Variants in RHOT1 observed in about 807,000 individuals in gnomAD.
The protein encoded by RHOT1 is ras homolog family member T1.
A neutral mutation model predicts 95.3 loss-of-function variants in RHOT1; 27 were observed. The observed-to-expected ratio is 0.28, with a 90% CI of 0.21 to 0.39. RHOT1 has a LOEUF of 0.39. Ranked by LOEUF, RHOT1 falls within the 10% of genes least tolerant of loss-of-function variation. RHOT1 has a pLI of 1.00. For missense variants in RHOT1, 578 were observed against 786.7 expected (o/e 0.73, Z 3.17); for synonymous variants, 227 against 263.5 (o/e 0.86, Z 1.34).
intron 8 of RHOT1, among the ~76,000 whole-genome samples, chr17:32,187,445 C>T (rs61224869): frequency 2.6e-5 from 4 of 151,896 alleles, no homozygotes; most frequent in South Asian, 4.2e-4. Context: ...TTCTGTTTGT[C>T]GGGAGAGGTA....
At chr17:32,203,845 A>G in intron 15 of RHOT1, 45 bp from the exon 16 acceptor site, 2 of 1,391,264 alleles carry the variant, frequency 1.4e-6, no homozygotes, top group Non-Finnish European at 2.0e-6. Flanking sequence ...TATATTGTTG[A>G]AAACTAGTTA....
chr17:32,201,955 A>T (rs1051468284), intron 14 of RHOT1, among the ~76,000 whole-genome samples: 5 of 152,070 alleles, frequency 3.3e-5, no homozygotes, highest in African/African-American at 1.2e-4. Flanking sequence ...CTCTATCACC[A>T]GGCTGGAGTG....
chr17:32,193,014 G>A (rs1476894024), intron 9 of RHOT1, 122 bp from the exon 10 acceptor site: 13 of 638,242 alleles, frequency 2.0e-5, no homozygotes, highest in Non-Finnish European at 3.5e-5. Context: ...TATTCCTAAT[G>A]TAGAATATGT....
At chr17:32,186,743 C>G (rs1342219982) in intron 8 of RHOT1, among the ~76,000 whole-genome samples, 1 of 152,120 alleles carries the variant, frequency 6.6e-6, no homozygotes, top group African/African-American at 2.4e-5. Flanking sequence ...CTCACTGCAG[C>G]CTTAACCTCC....
chr17:32,145,952 G>C (rs1202555874), intron 1 of RHOT1, among the ~76,000 whole-genome samples: 1 of 152,160 alleles, frequency 6.6e-6, no homozygotes, highest in Non-Finnish European at 1.5e-5. Context: ...GGAGTTCGGG[G>C]CTGCTGTGGG....
At chr17:32,152,247 G>T (rs1490667613) in intron 1 of RHOT1, among the ~76,000 whole-genome samples, 1 of 152,182 alleles carries the variant, frequency 6.6e-6, no homozygotes, top group Non-Finnish European at 1.5e-5. Flanking sequence ...TATCTCTGAG[G>T]CCTGCCCTGC....
At chr17:32,182,692 A>G (rs1031634529) in intron 6 of RHOT1, 65 bp from the exon 7 acceptor site, 2 of 948,556 alleles carry the variant, frequency 2.1e-6, no homozygotes, top group Non-Finnish European at 3.2e-6. Flanking sequence ...GGGTTATGAT[A>G]TAAATTAAAA....
intron 1 of RHOT1, among the ~76,000 whole-genome samples, chr17:32,158,553 G>A (rs1002968879): frequency 5.3e-5 from 8 of 151,354 alleles, no homozygotes; most frequent in Admixed American, 2.6e-4. Flanking sequence ...CCTGCCTCCC[G>A]CTTTCAAACG....
chr17:32,193,351 T>C, intron 10 of RHOT1, 107 bp downstream of exon 10: 1 of 719,236 alleles, frequency 1.4e-6, no homozygotes. Context: ...ATGTTAATAT[T>C]TACTAGTATG....
chr17:32,150,705 G>A (rs1208703120), intron 1 of RHOT1: 7 of 1,603,384 alleles, frequency 4.4e-6, no homozygotes, highest in African/African-American at 1.3e-5. Context: ...ATATGTCATA[G>A]GCATCAGAGT....
intron 18 of RHOT1, among the ~76,000 whole-genome samples, chr17:32,210,320 G>A (rs1009441216): frequency 1.3e-5 from 2 of 152,148 alleles, no homozygotes; most frequent in African/African-American, 4.8e-5. Context: ...TTAGAGCCGA[G>A]GTGAAATGGG....
At chr17:32,187,101 A>G (rs997611354) in intron 8 of RHOT1, among the ~76,000 whole-genome samples, 1 of 151,946 alleles carries the variant, frequency 6.6e-6, no homozygotes, top group African/African-American at 2.4e-5. Context: ...AGCGTGGCCA[A>G]CGTGGCAAAA....
At chr17:32,217,721 C>T (rs1157663341) in intron 19 of RHOT1, among the ~76,000 whole-genome samples, 1 of 149,188 alleles carries the variant, frequency 6.7e-6, no homozygotes, top group Non-Finnish European at 1.5e-5. Context: ...CACCACTGCA[C>T]TCCAGACTGG....
chr17:32,216,408 A>G lies in RHOT1; in HGVS notation c.1862+5170A>G, dbSNP rs530806021. Among the ~76,000 whole-genome samples, 119 of 151,988 alleles carry G rather than the reference A, an allele frequency of 7.8e-4. 2 individuals carry two copies. Among genetic ancestry groups the G allele is most frequent in the Middle Eastern group, 6.8e-3 (2 of 294 alleles). On this transcript the variant is annotated intron_variant, in intron 19 of 19. Transcript: ENST00000545287. ...TTGGTTTTAGGATTTCTTTCATTCT[A>G]TTTTATTATTTGCATTAGCCATATA... is the stretch of plus-strand genomic sequence containing the variant.
chr17:32,158,740 G>A (rs1892419333), intron 1 of RHOT1, among the ~76,000 whole-genome samples: 1 of 152,202 alleles, frequency 6.6e-6, no homozygotes, highest in African/African-American at 2.4e-5. Flanking sequence ...TTGCAGGCAT[G>A]AGCCAGCGTG....
At chr17:32,170,283 C>T (rs1239283093) in intron 1 of RHOT1, among the ~76,000 whole-genome samples, 1 of 152,020 alleles carries the variant, frequency 6.6e-6, no homozygotes, top group Non-Finnish European at 1.5e-5. Flanking sequence ...GACGTGGTGA[C>T]ACATGCCTAT....
chr17:32,156,603 C>T (rs549065569), intron 1 of RHOT1, among the ~76,000 whole-genome samples: 1 of 152,352 alleles, frequency 6.6e-6, no homozygotes, highest in East Asian at 1.9e-4. Context: ...TCTCATGTTA[C>T]AGACCTGTTT....
Position 32,208,094 on chromosome 17 carries a change from T to A in RHOT1, c.1537-13T>A. On this transcript the variant is annotated splice_polypyrimidine_tract_variant and intron_variant, in intron 17 of 19. Coordinates refer to ENST00000545287, the MANE Select transcript of RHOT1 (RefSeq NM_001033566.3). ...CTTGTTATCAGATTTTGATTTCATT[T>A]TTTATTCCATAGCAACACTTTATGG... 1 of 1,609,756 alleles carries A rather than the reference T, an allele frequency of 6.2e-7. No individual in the cohort carries two copies. The highest frequency in any genetic ancestry group is 8.5e-7 in the Non-Finnish European group (1 of 1,176,376).
intron 1 of RHOT1, among the ~76,000 whole-genome samples, chr17:32,162,117 C>T (rs1241011202): frequency 1.3e-5 from 2 of 152,126 alleles, no homozygotes; most frequent in African/African-American, 4.8e-5. Flanking sequence ...AGCTGTTTCC[C>T]TGTTGGAGGT....
Sources: gnomAD v4.1 joint callset for allele counts (sites outside exome capture counted in the v4.1 genomes callset) on GRCh38, gnomAD v4.1.1 for gene constraint, MANE v1.5 for transcripts, NCBI Gene and HGNC (gene_info 2026-07-23, HGNC 2026-07-21) for gene names.